Variants in MDH1 observed in about 807,000 individuals in gnomAD.
The protein encoded by MDH1 is malate dehydrogenase 1, also known as malate dehydrogenase, cytoplasmic.
MDH1 carries 15 observed loss-of-function variants against 38.7 expected under a neutral mutation model. That is an observed-to-expected ratio of 0.39 (90% CI 0.26 to 0.60). MDH1 has a LOEUF of 0.60. Ranked by LOEUF, MDH1 falls within the 20% of genes least tolerant of loss-of-function variation. MDH1 has a pLI of 0.56. For missense variants in MDH1, 368 were observed against 405.2 expected (o/e 0.91, Z 0.79); for synonymous variants, 144 against 143.6 (o/e 1.00, Z -0.02).
At chr2:63,606,158 G>C (rs1709524537) in intron 8 of MDH1, 130 bp downstream of exon 8, 1 of 852,500 alleles carries the variant, frequency 1.2e-6, no homozygotes, top group Non-Finnish European at 2.0e-6. Flanking sequence ...AAGGTGGCAA[G>C]ATTGCTTGAG....
intron 1 of MDH1, chr2:63,589,305 C>T (rs1345569563): frequency 3.2e-6 from 5 of 1,550,726 alleles, no homozygotes; most frequent in East Asian, 2.4e-5. Context: ...GATCTTAATC[C>T]TGCTGCATGA....
Position 63,589,002 on chromosome 2 carries a change from C to T in MDH1, c.-42C>T, listed in dbSNP as rs1575715651. 6.2e-7 allele frequency: 1 copy of T among 1,614,200 alleles called. No individual in the cohort carries two copies. The highest frequency in any genetic ancestry group is 2.2e-5 in the East Asian group (1 of 44,888). On this transcript the variant is annotated 5_prime_UTR_variant, in exon 1 of 9. Transcript: ENST00000233114. ...GTAGAGGTGACCTGACTCTCTGAGG[C>T]TCATTTTGCAGTTGTTGAAATTGTC...
chr2:63,607,010 G>C lies in MDH1; in HGVS notation c.*23G>C. On this transcript the variant is annotated 3_prime_UTR_variant, in exon 9 of 9. Coordinates refer to ENST00000233114, the MANE Select transcript of MDH1 (RefSeq NM_005917.4). ...TGACTAGACAATGATGTTACTAAAT[G>C]CTTCAAAGCTGAAGAATCTAAATGT... 6.3e-7 allele frequency: 1 copy of C among 1,594,782 alleles called. No homozygotes were observed. Among genetic ancestry groups the C allele is most frequent in the African/African-American group, 1.3e-5 (1 of 74,110 alleles).
At chr2:63,599,842 C>G (rs1327367660) in intron 5 of MDH1, 1 of 152,202 alleles carries the variant, frequency 6.6e-6, no homozygotes, top group Non-Finnish European at 1.5e-5. Flanking sequence ...ATTTTCTTTA[C>G]TCTTAGAGCC....
At position 63,603,045 on chromosome 2, in the gene MDH1, C is replaced by T. The variant is rs1323843597; in HGVS notation, c.499-1651C>T. On this transcript the variant is annotated intron_variant, in intron 5 of 8. Coordinates refer to ENST00000233114, the MANE Select transcript of MDH1 (RefSeq NM_005917.4). ...CACGATCTCGGCTCACTGCAACCTCCGCCTCCCAGGTTCAAGAGATTCTCC... is the reference window on the plus strand; with the variant it reads ...CACGATCTCGGCTCACTGCAACCTCTGCCTCCCAGGTTCAAGAGATTCTCC... Among the ~76,000 whole-genome samples the T allele has an allele frequency of 6.6e-5, 10 of 151,140 alleles. 1 individual carries two copies. The highest frequency in any genetic ancestry group is 2.2e-4 in the African/African-American group (9 of 41,186).
intron 3 of MDH1, 137 bp from the exon 4 acceptor site, chr2:63,597,262 G>C (rs1709331725): frequency 1.6e-6 from 2 of 1,235,382 alleles, no homozygotes; most frequent in Non-Finnish European, 2.0e-6. Flanking sequence ...TCTTTCTCAG[G>C]CTCCTGAAAT....
chr2:63,594,797 T>C, intron 2 of MDH1: 1 of 453,334 alleles, frequency 2.2e-6, no homozygotes, highest in South Asian at 2.4e-5. Flanking sequence ...AACTCTTCCA[T>C]ATATTGTACT....
chr2:63,589,391 G>A (rs1369666920), intron 1 of MDH1: 2 of 1,550,362 alleles, frequency 1.3e-6, no homozygotes, highest in Admixed American at 3.9e-5. Flanking sequence ...TAAGGTTTGC[G>A]ATGGGAGGGA....
At chr2:63,589,954 G>A (rs1246086906) in intron 1 of MDH1, 1 of 154,612 alleles carries the variant, frequency 6.5e-6, no homozygotes. Flanking sequence ...TACTAAAACG[G>A]CTGGAGAATG....
chr2:63,593,732 C>A (rs748744673), intron 1 of MDH1: 1 of 469,122 alleles, frequency 2.1e-6, no homozygotes, highest in African/African-American at 2.0e-5. Context: ...CTACCCATTA[C>A]GTTTCTAAAC....
At chr2:63,605,915 T>C (rs754949817) in intron 7 of MDH1, 24 bp from the exon 8 acceptor site, 158 of 1,575,988 alleles carry the variant, frequency 1.0e-4, no homozygotes, top group Non-Finnish European at 1.3e-4. Flanking sequence ...TCATCATGAG[T>C]ATGTGAAACA....
chr2:63,594,565 A>G lies in MDH1; in HGVS notation c.81A>G (p.Gly27=). 1 of 1,613,322 alleles carries G rather than the reference A, an allele frequency of 6.2e-7. No individual in the cohort carries two copies. The highest frequency in any genetic ancestry group is 8.5e-7 in the Non-Finnish European group (1 of 1,179,292). The change falls in exon 2 of 9, where the codon GGA becomes GGG. Residue 27 remains glycine (G), a synonymous_variant. Coordinates refer to ENST00000233114, the MANE Select transcript of MDH1 (RefSeq NM_005917.4). ...CACTGCTGTACAGTATTGGAAATGG[A>G]TCTGTCTTTGGTAAAGATCAGGTAG... The part of the protein sequence containing the change: ...AYSLLYSIGN[G]SVFGKDQPII...
At chr2:63,601,539 G>A (rs1453205524) in intron 5 of MDH1, among the ~76,000 whole-genome samples, 1 of 152,212 alleles carries the variant, frequency 6.6e-6, no homozygotes, top group Non-Finnish European at 1.5e-5. Context: ...GTGTCTAAGG[G>A]AGCAAAGAGC....
chr2:63,593,958 A>G (rs542733576), intron 1 of MDH1, among the ~76,000 whole-genome samples: 2 of 152,304 alleles, frequency 1.3e-5, no homozygotes, highest in African/African-American at 2.4e-5. Flanking sequence ...GCTGTCTGTC[A>G]CTACATGTTG....
At chr2:63,605,221 A>C in intron 6 of MDH1, 59 bp from the exon 7 acceptor site, 3 of 1,145,056 alleles carry the variant, frequency 2.6e-6, no homozygotes, top group Non-Finnish European at 2.6e-6. Context: ...CTTGGAATTA[A>C]TGAAAACTTT....
intron 4 of MDH1, 71 bp downstream of exon 4, chr2:63,597,645 A>G: frequency 7.7e-7 from 1 of 1,293,922 alleles, no homozygotes; most frequent in Admixed American, 3.1e-5. Flanking sequence ...GCATTTAAGC[A>G]AAACCAAAAT....
Position 63,604,782 on chromosome 2 carries a change from C to G in MDH1, c.585C>G (p.Val195=), listed in dbSNP as rs555043402. ...ATTCCTCGACTCAGTATCCAGATGTCAACCATGCCAAGGTGAAATTGCAAG... is the reference window on the plus strand; with the variant it reads ...ATTCCTCGACTCAGTATCCAGATGTGAACCATGCCAAGGTGAAATTGCAAG... The part of the protein sequence containing the change: ...GNHSSTQYPD[V]NHAKVKLQGK... Residue 195 remains valine (V), a synonymous_variant, in exon 6 of 9, where the codon GTC becomes GTG. Transcript: ENST00000233114. 1 of 1,614,108 alleles carries G rather than the reference C, an allele frequency of 6.2e-7. No homozygotes were observed. The highest frequency in any genetic ancestry group is 1.3e-5 in the African/African-American group (1 of 75,048).
intron 5 of MDH1, 120 bp downstream of exon 5, chr2:63,599,412 T>C: frequency 1.1e-6 from 1 of 947,848 alleles, no homozygotes; most frequent in South Asian, 2.1e-5. Flanking sequence ...TAGGAACCTA[T>C]TACTTTTATT....
rs894585140 is a variant in MDH1 at position 63,605,271 on chromosome 2, C to T, written c.676-9C>T. On this transcript the variant is annotated splice_polypyrimidine_tract_variant and intron_variant, in intron 6 of 8. Transcript: ENST00000233114. ...GTAATACTGCTGCCTTCACCTGCCC[C>T]CTTCCCAGACTGTGCAGCAGCGTGG... 1.3e-6 allele frequency: 2 copies of T among 1,587,392 alleles called. No homozygotes were observed. The highest frequency in any genetic ancestry group is 1.7e-6 in the Non-Finnish European group (2 of 1,156,076).
Sources: gnomAD v4.1 joint callset for allele counts (sites outside exome capture counted in the v4.1 genomes callset) on GRCh38, gnomAD v4.1.1 for gene constraint, MANE v1.5 for transcripts, NCBI Gene and HGNC (gene_info 2026-07-23, HGNC 2026-07-21) for gene names.